RAB28: variants seen among roughly 807,000 people sequenced by gnomAD.
RAB28 encodes RAB28, member RAS oncogene family, also known as ras-related protein Rab-28.
A neutral mutation model predicts 31.7 loss-of-function variants in RAB28; 24 were observed. The ratio of observed to expected loss-of-function variants is 0.76; its 90% CI spans 0.55 to 1.06. The LOEUF is 1.06. Among genes scored for constraint, RAB28 ranks in the 50% least tolerant of loss-of-function variants. The pLI, the probability that RAB28 is intolerant of heterozygous loss-of-function variation, is 0.00. For missense variants in RAB28, 254 were observed against 258.5 expected (o/e 0.98, Z 0.12); for synonymous variants, 100 against 90.4 (o/e 1.11, Z -0.60).
At chr4:13,372,675 C>G (rs1385918353) in intron 6 of RAB28, among the ~76,000 whole-genome samples, 2 of 152,000 alleles carry the variant, frequency 1.3e-5, no homozygotes, top group Non-Finnish European at 2.9e-5. Flanking sequence ...AATCCCAGTA[C>G]AGTTTTAATA....
intron 3 of RAB28, among the ~76,000 whole-genome samples, chr4:13,461,622 A>T (rs1261949375): frequency 1.3e-5 from 2 of 152,212 alleles, no homozygotes; most frequent in Admixed American, 6.5e-5. Flanking sequence ...ATACAACAGA[A>T]GGATTGCTTC....
intron 4 of RAB28, among the ~76,000 whole-genome samples, chr4:13,433,161 A>G (rs760248854): frequency 4.0e-5 from 6 of 151,566 alleles, no homozygotes; most frequent in Non-Finnish European, 5.9e-5. Flanking sequence ...GAAAAAAAAG[A>G]GCAGGGGTTG....
chr4:13,377,017 T>C (rs1728948891), intron 5 of RAB28, among the ~76,000 whole-genome samples: 1 of 152,182 alleles, frequency 6.6e-6, no homozygotes, highest in African/African-American at 2.4e-5. Flanking sequence ...GGTTTTATCT[T>C]GGTCCTTTTA....
intron 4 of RAB28, among the ~76,000 whole-genome samples, chr4:13,390,862 G>A (rs1187364822): frequency 6.6e-6 from 1 of 152,016 alleles, no homozygotes; most frequent in Non-Finnish European, 1.5e-5. Flanking sequence ...ATCTAGAAAG[G>A]TGAAACTGGA....
rs181840054 is a variant in RAB28, at chr4:13,406,811, G to A, written c.392-25217C>T. 9.2e-5 allele frequency among the ~76,000 whole-genome samples: 14 copies of A among 152,296 alleles called. No individual in the cohort carries two copies. In the East Asian group the frequency reaches 1.9e-3, roughly 21 times the overall value. Reference sequence around the variant, plus strand: ...GCATAAATGTCTTCTTTTGAGAAGTGTCTGTTTATATCCTTTGCCCACTTT... The same window carrying A: ...GCATAAATGTCTTCTTTTGAGAAGTATCTGTTTATATCCTTTGCCCACTTT... On this transcript the variant is annotated intron_variant, in intron 4 of 6. Coordinates refer to ENST00000330852, the MANE Select transcript of RAB28 (RefSeq NM_001017979.3).
chr4:13,430,987 A>G (rs1325014632), intron 4 of RAB28, among the ~76,000 whole-genome samples: 1 of 152,202 alleles, frequency 6.6e-6, no homozygotes, highest in Non-Finnish European at 1.5e-5. Flanking sequence ...ACTGTTGTGG[A>G]GTCAGCAGTG....
intron 3 of RAB28, among the ~76,000 whole-genome samples, chr4:13,472,583 A>G (rs1004911471): frequency 1.2e-4 from 18 of 152,016 alleles, no homozygotes; most frequent in Middle Eastern, 3.4e-3. Flanking sequence ...GGTTACACCT[A>G]TAAATCATAA....
At chr4:13,379,153 C>T (rs1368938625) in intron 5 of RAB28, among the ~76,000 whole-genome samples, 7 of 143,160 alleles carry the variant, frequency 4.9e-5, no homozygotes, top group Admixed American at 7.4e-5. Flanking sequence ...CTGCAGTGAG[C>T]TGAGATCGCA....
chr4:13,374,762 T>C (rs1728854853), intron 6 of RAB28, among the ~76,000 whole-genome samples: 1 of 152,008 alleles, frequency 6.6e-6, no homozygotes, highest in Non-Finnish European at 1.5e-5. Flanking sequence ...AGTAACTCAG[T>C]CTCCTTACCT....
intron 4 of RAB28, among the ~76,000 whole-genome samples, chr4:13,393,552 T>C (rs1729738487): frequency 6.6e-6 from 1 of 152,162 alleles, no homozygotes; most frequent in Non-Finnish European, 1.5e-5. Flanking sequence ...TGGATTTAAA[T>C]TACTTTCATT....
At chr4:13,477,449 T>G (rs975215964) in intron 2 of RAB28, among the ~76,000 whole-genome samples, 4 of 151,588 alleles carry the variant, frequency 2.6e-5, no homozygotes, top group African/African-American at 9.7e-5. Flanking sequence ...TAATGATACA[T>G]TAATCATCCT....
At chr4:13,375,572 T>C (rs990586946) in intron 6 of RAB28, among the ~76,000 whole-genome samples, 4 of 152,186 alleles carry the variant, frequency 2.6e-5, no homozygotes, top group Non-Finnish European at 5.9e-5. Context: ...GTAACCACTT[T>C]TTCTGTGTCT....
intron 4 of RAB28, among the ~76,000 whole-genome samples, chr4:13,449,763 T>C (rs910228394): frequency 7.2e-5 from 11 of 151,884 alleles, no homozygotes; most frequent in African/African-American, 2.7e-4. Context: ...ATCCACTCTG[T>C]ACTGGAGCAT....
intron 4 of RAB28, among the ~76,000 whole-genome samples, chr4:13,406,074 C>G (rs903076041): frequency 1.3e-5 from 2 of 152,104 alleles, no homozygotes; most frequent in Non-Finnish European, 2.9e-5. Flanking sequence ...CACAGGTATA[C>G]ATGTGCCATG....
intron 4 of RAB28, among the ~76,000 whole-genome samples, chr4:13,413,250 G>T (rs1712551328): frequency 6.6e-6 from 1 of 151,838 alleles, no homozygotes; most frequent in South Asian, 2.1e-4. Context: ...AGAATCTTTG[G>T]GACATACTGA....
In RAB28 at chr4:13,410,371, T is replaced by C. The variant is rs116438495; in HGVS notation, c.392-28777A>G. Among the ~76,000 whole-genome samples the C allele has an allele frequency of 2.7e-3, 409 of 152,200 alleles. 2 individuals carry two copies. The highest frequency in any genetic ancestry group is 9.2e-3 in the African/African-American group (380 of 41,526). On this transcript the variant is annotated intron_variant, in intron 4 of 6. Coordinates refer to ENST00000330852, the MANE Select transcript of RAB28 (RefSeq NM_001017979.3). ...TCCTACAACGGATAAGGGTCTTAGT[T>C]TGCCAATCTAGTACCTACCTACCAT...
At position 13,479,491 on chromosome 4, in the gene RAB28, A is replaced by G. The variant is rs1716513082; in HGVS notation, c.111T>C (p.Phe37=). 1.2e-6 allele frequency: 2 copies of G among 1,608,856 alleles called. No homozygotes were observed. Among genetic ancestry groups the G allele is most frequent in the East Asian group, 2.2e-5 (1 of 44,678 alleles). The change falls in exon 2 of 7, where the codon TTT becomes TTC. Residue 37 remains phenylalanine (F), a synonymous_variant. Transcript: ENST00000330852. ...SLTTCFAQET[F]GKQYKQTIGL... ...CTATAGTTTGTTTGTACTGTTTCCCAAAAGTTTCTTGAGCAAAACACGTAG... is the reference window on the plus strand; with the variant it reads ...CTATAGTTTGTTTGTACTGTTTCCCGAAAGTTTCTTGAGCAAAACACGTAG...
intron 4 of RAB28, among the ~76,000 whole-genome samples, chr4:13,387,219 C>T (rs552337503): frequency 2.7e-4 from 41 of 152,088 alleles, no homozygotes; most frequent in African/African-American, 9.6e-4. Flanking sequence ...ATGTAACAAA[C>T]CTGCATATGT....
chr4:13,457,090 T>G (rs1715339515), intron 4 of RAB28, among the ~76,000 whole-genome samples: 1 of 152,220 alleles, frequency 6.6e-6, no homozygotes, highest in Non-Finnish European at 1.5e-5. Context: ...ACATATGCAT[T>G]CTATCTAAGT....
Sources: gnomAD v4.1 joint callset for allele counts (sites outside exome capture counted in the v4.1 genomes callset) on GRCh38, gnomAD v4.1.1 for gene constraint, MANE v1.5 for transcripts, NCBI Gene and HGNC (gene_info 2026-07-23, HGNC 2026-07-21) for gene names.